Variants in DOCK1 observed in about 807,000 individuals in gnomAD.
The protein encoded by DOCK1 is dedicator of cytokinesis protein 1.
Under a neutral mutation model 262.7 loss-of-function variants are expected in DOCK1, and 138 were observed. That is an observed-to-expected ratio of 0.53 (90% CI 0.46 to 0.61). The LOEUF (loss-of-function observed/expected upper bound fraction) is 0.61, where lower values mean the gene tolerates loss of function less well. Among genes scored for constraint, DOCK1 ranks in the 20% least tolerant of loss-of-function variants. The probability of loss-of-function intolerance (pLI) is 0.00; values close to 1 mark genes in which losing one functional copy is unlikely to be tolerated. For synonymous variants in DOCK1, 866 were observed against 867.4 expected, an observed-to-expected ratio of 1.00 and a Z score of 0.03; for missense variants, 1,908 against 2,370.7, an observed-to-expected ratio of 0.80 and a Z score of 4.05.
At chr10:126,940,551 C>T in intron 1 of DOCK1, among the ~76,000 whole-genome samples, 1 of 152,192 alleles carries the variant, frequency 6.6e-6, no homozygotes. Flanking sequence ...TTACAGGCGC[C>T]TGCCACCATG....
intron 2 of DOCK1, among the ~76,000 whole-genome samples, chr10:126,975,311 G>A (rs982709741): frequency 6.6e-6 from 1 of 152,130 alleles, no homozygotes; most frequent in Non-Finnish European, 1.5e-5. Context: ...AGCATCCCAT[G>A]TCCATCTCAC....
intron 4 of DOCK1, among the ~76,000 whole-genome samples, chr10:126,982,698 G>T (rs1217347072): frequency 2.0e-5 from 3 of 152,262 alleles, no homozygotes; most frequent in East Asian, 3.9e-4. Flanking sequence ...CATATGAAAA[G>T]AACCGTTCGG....
intron 5 of DOCK1, 30 bp downstream of exon 5, chr10:126,987,647 T>G (rs781371860): frequency 1.3e-5 from 20 of 1,530,428 alleles, no homozygotes; most frequent in Non-Finnish European, 1.8e-5. Context: ...ATTCAAAGCT[T>G]AGAAATAGAG....
chr10:127,334,614 CTTT>C (rs1295510749), intron 29 of DOCK1, among the ~76,000 whole-genome samples: 1 of 152,086 alleles, frequency 6.6e-6, no homozygotes. Flanking sequence ...CTTTTTGAAT[CTTT>C]TTAGGTTGAC....
intron 27 of DOCK1, among the ~76,000 whole-genome samples, chr10:127,234,126 A>C (rs1472187213): frequency 1.3e-5 from 2 of 152,178 alleles, no homozygotes; most frequent in African/African-American, 4.8e-5. Context: ...AAAATCACTT[A>C]AGAAAACAGG....
At chr10:126,996,535 A>ATTTTT (rs10538924) in intron 6 of DOCK1, among the ~76,000 whole-genome samples, 3 of 136,198 alleles carry the variant, frequency 2.2e-5, no homozygotes, top group Non-Finnish European at 3.2e-5. Context: ...AAAATTGAGG[A>ATTTTT]TTTTTTTTTT....
intron 16 of DOCK1, among the ~76,000 whole-genome samples, chr10:127,027,324 G>A (rs985753384): frequency 1.7e-4 from 26 of 152,318 alleles, no homozygotes; most frequent in African/African-American, 5.1e-4. Flanking sequence ...GGCTGGTGCC[G>A]TGGCTCACAC....
intron 29 of DOCK1, among the ~76,000 whole-genome samples, chr10:127,304,596 A>G (rs1172987158): frequency 6.6e-6 from 1 of 152,174 alleles, no homozygotes; most frequent in African/African-American, 2.4e-5. Context: ...CTGAAAACAC[A>G]TAAGTGAGGT....
At chr10:127,410,257 G>A (rs1344576431) in intron 42 of DOCK1, among the ~76,000 whole-genome samples, 1 of 152,066 alleles carries the variant, frequency 6.6e-6, no homozygotes, top group Non-Finnish European at 1.5e-5. Flanking sequence ...TTTTTCAGAG[G>A]CCTTAAGCAA....
chr10:127,286,412 T>A (rs1235557344), intron 29 of DOCK1, among the ~76,000 whole-genome samples: 2 of 152,198 alleles, frequency 1.3e-5, no homozygotes, highest in Admixed American at 1.3e-4. Flanking sequence ...AGTGGAGATA[T>A]AATCTCAGTG....
chr10:127,419,471 C>A (rs757324316), intron 45 of DOCK1, among the ~76,000 whole-genome samples, 195 bp from the exon 46 acceptor site: 1 of 152,242 alleles, frequency 6.6e-6, no homozygotes, highest in Non-Finnish European at 1.5e-5. Context: ...GCCCTGTTAG[C>A]TCCACTTACA....
At chr10:127,396,754 CAAAA>C (rs372642343) in intron 38 of DOCK1, among the ~76,000 whole-genome samples, 5 of 134,132 alleles carry the variant, frequency 3.7e-5, no homozygotes, top group Non-Finnish European at 4.8e-5. Flanking sequence ...ATCTCTGTTA[CAAAA>C]AAAAAAAAAA....
In DOCK1 at chr10:127,452,464, T is replaced by C. The variant is rs1236408957; in HGVS notation, c.*1037T>C. On this transcript the variant is annotated 3_prime_UTR_variant, in exon 52 of 52. Coordinates refer to ENST00000623213, the MANE Select transcript of DOCK1 (RefSeq NM_001290223.2). ...CACTATAATCATGATACTCTTCTAA[T>C]AGACTTAAAAGTTAATCATTGACAA... 1 of 152,644 alleles carries C rather than the reference T, an allele frequency of 6.6e-6. No homozygotes were observed. The highest frequency in any genetic ancestry group is 2.4e-5 in the African/African-American group (1 of 41,468). 9.5% of individuals were successfully genotyped at this position (152,644 alleles called of 1,614,324 possible).
chr10:126,973,106 A>T (rs143622624), intron 2 of DOCK1, among the ~76,000 whole-genome samples: 1,714 of 152,104 alleles, frequency 0.011, 14 homozygotes, highest in Non-Finnish European at 0.016. Flanking sequence ...TGAAGTTGAA[A>T]TCCTGGTTAA....
chr10:127,421,344 A>C (rs761694515), intron 46 of DOCK1, among the ~76,000 whole-genome samples: 14 of 152,188 alleles, frequency 9.2e-5, no homozygotes, highest in Non-Finnish European at 1.6e-4. Context: ...CCAAGGTACG[A>C]GTCCTCTTAA....
intron 31 of DOCK1, among the ~76,000 whole-genome samples, chr10:127,354,463 A>G (rs137898513): frequency 4.6e-5 from 7 of 152,350 alleles, no homozygotes; most frequent in African/African-American, 1.2e-4. Flanking sequence ...GATGTTGTGT[A>G]ACCCTCAGTG....
At chr10:127,141,626 G>A (rs865951774) in intron 27 of DOCK1, among the ~76,000 whole-genome samples, 5 of 151,840 alleles carry the variant, frequency 3.3e-5, no homozygotes, top group African/African-American at 1.2e-4. Context: ...AGTTGAGATC[G>A]TGCCACTGCA....
chr10:127,091,398 C>T (rs2047525673), intron 23 of DOCK1, among the ~76,000 whole-genome samples: 1 of 152,194 alleles, frequency 6.6e-6, no homozygotes, highest in Non-Finnish European at 1.5e-5. Flanking sequence ...CTACATGGAC[C>T]TCTCCTGCAT....
At chr10:127,351,810 G>A (rs912342939) in intron 31 of DOCK1, among the ~76,000 whole-genome samples, 2 of 152,096 alleles carry the variant, frequency 1.3e-5, no homozygotes, top group African/African-American at 4.8e-5. Context: ...TCTGGGGCAT[G>A]TATAGATTCA....
Sources: allele counts gnomAD v4.1 joint callset (sites outside exome capture counted in the v4.1 genomes callset), GRCh38; gene constraint gnomAD v4.1.1; transcripts MANE v1.5; gene names NCBI Gene and HGNC (gene_info 2026-07-23, HGNC 2026-07-21).